Variants in KLK4 observed in about 807,000 individuals in gnomAD.
KLK4 encodes the protein kallikrein related peptidase 4.
A neutral mutation model predicts 24.3 loss-of-function variants in KLK4; 24 were observed. That is an observed-to-expected ratio of 0.99 (90% CI 0.72 to 1.39). The LOEUF (loss-of-function observed/expected upper bound fraction) is 1.39, where lower values mean the gene tolerates loss of function less well. Ranked by LOEUF, KLK4 falls within the 40% of genes most tolerant of loss-of-function variation. The probability of loss-of-function intolerance (pLI) is 0.00; values close to 1 mark genes in which losing one functional copy is unlikely to be tolerated. For missense variants in KLK4, 344 were observed against 327.4 expected (o/e 1.05, Z -0.39); for synonymous variants, 142 against 138.8 (o/e 1.02, Z -0.16).
chr19:50,907,206 T>A, intron 5 of KLK4, 120 bp from the exon 6 acceptor site: 1 of 1,021,476 alleles, frequency 9.8e-7, no homozygotes, highest in Non-Finnish European at 1.5e-6. Context: ...AATAACAACA[T>A]AGCCCAGCAA....
chr19:50,908,443 C>G (rs1352379866), exon 5 of KLK4: 4 of 1,614,024 alleles, frequency 2.5e-6, no homozygotes, highest in Non-Finnish European at 3.4e-6. Context: ...TACTGCAGAC[C>G]TCCTCAGACA....
At chr19:50,909,503 G>C (rs2090467041) in intron 2 of KLK4, 89 bp from the exon 3 acceptor site, 23 of 1,410,902 alleles carry the variant, frequency 1.6e-5, no homozygotes, top group Middle Eastern at 2.0e-4. Context: ...CGTGGTCAGA[G>C]GTTCAGGAGC....
In KLK4 at chr19:50,908,566, C is replaced by A. The variant is rs954711082; in HGVS notation, c.475+13G>T. 6.2e-7 allele frequency: 1 copy of A among 1,614,096 alleles called. No individual in the cohort carries two copies. The highest frequency in any genetic ancestry group is 1.3e-5 in the African/African-American group (1 of 74,934). Reference sequence around the variant, plus strand: ...CCTCCTTGAAGAGGGCAGACACACACCCGTGAGCTCACCGTTCGCCAGCAG... The same window carrying A: ...CCTCCTTGAAGAGGGCAGACACACAACCGTGAGCTCACCGTTCGCCAGCAG... On this transcript the variant is annotated intron_variant, in intron 4 of 5. Coordinates refer to ENST00000324041, the Ensembl canonical transcript of KLK4.
At chr19:50,908,042 T>G in intron 5 of KLK4, 2 of 453,334 alleles carry the variant, frequency 4.4e-6, no homozygotes, top group Middle Eastern at 6.4e-4. Flanking sequence ...GTCAGGTTTT[T>G]GGGGAGTCAA....
Position 50,908,566 on chromosome 19 carries a change from C to T in KLK4, c.475+13G>A. 2 of 1,614,214 alleles carry T rather than the reference C, an allele frequency of 1.2e-6. No homozygotes were observed. Among genetic ancestry groups the T allele is most frequent in the South Asian group, 1.1e-5 (1 of 91,080 alleles). ...CCTCCTTGAAGAGGGCAGACACACA[C>T]CCGTGAGCTCACCGTTCGCCAGCAG... On this transcript the variant is annotated intron_variant, in intron 4 of 5. Coordinates refer to ENST00000324041, the Ensembl canonical transcript of KLK4.
At chr19:50,906,957 C>G (rs2090436411) in exon 6 of KLK4, 2 of 1,614,182 alleles carry the variant, frequency 1.2e-6, no homozygotes, top group East Asian at 4.5e-5. Flanking sequence ...ACGGTTTTCT[C>G]TATCCACTCA....
In KLK4 at chr19:50,910,033, G is replaced by A. The variant is rs1020294188; in HGVS notation, c.62-619C>T. 2.0e-5 allele frequency among the ~76,000 whole-genome samples: 3 copies of A among 152,032 alleles called. No individual in the cohort carries two copies. Among genetic ancestry groups the A allele is most frequent in the South Asian group, 4.1e-4 (2 of 4,820 alleles). On this transcript the variant is annotated intron_variant, in intron 2 of 5. Coordinates refer to ENST00000324041, the Ensembl canonical transcript of KLK4. This position sits in a 1 kb window ranked among gnomAD's most constrained non-coding sequence, Gnocchi z 4.4. ...TGGTGCCATCGCGGTGCAAAGCCAC[G>A]GTCAGGAGGGGTTCAACAGAGGAGT...
In KLK4 at chr19:50,910,994, T is replaced by A. The variant is rs1345482681; in HGVS notation, c.-11-245A>T. 6.6e-6 allele frequency among the ~76,000 whole-genome samples: 1 copy of A among 151,710 alleles called. No individual in the cohort carries two copies. ...AGAGAGAACTAGGTAGAAAGGAAAG[T>A]TTAGAGAAAGCATCTAGCCATCTGT... is the stretch of plus-strand genomic sequence containing the variant. On this transcript the variant is annotated intron_variant, in intron 1 of 5. Coordinates refer to ENST00000324041, the Ensembl canonical transcript of KLK4. The surrounding 1 kb of genome is among the most constrained non-coding windows in gnomAD (Gnocchi z 4.4).
Position 50,910,755 on chromosome 19 carries a change from G to T in KLK4, c.-11-6C>A. ...TGTGGCCATCACGTCAGCACCTGGG[G>T]ATGAGGACTGAGACTTAGCCGTGTC... On this transcript the variant is annotated splice_polypyrimidine_tract_variant and splice_region_variant and intron_variant, in intron 1 of 5. Transcript: ENST00000324041. The surrounding 1 kb of genome is among the most constrained non-coding windows in gnomAD (Gnocchi z 4.4). 2 of 1,551,168 alleles carry T rather than the reference G, an allele frequency of 1.3e-6. No homozygotes were observed. The highest frequency in any genetic ancestry group is 1.7e-6 in the Non-Finnish European group (2 of 1,146,376).
intron 5 of KLK4, among the ~76,000 whole-genome samples, chr19:50,907,694 C>T (rs2090446431): frequency 6.6e-6 from 1 of 152,220 alleles, no homozygotes; most frequent in Non-Finnish European, 1.5e-5. Context: ...GCATGAGCCA[C>T]CCTGCCCAGC....
At chr19:50,908,525 G>A (rs542046361) in intron 4 of KLK4, 30 bp from the exon 5 acceptor site, 2 of 1,614,170 alleles carry the variant, frequency 1.2e-6, no homozygotes, top group Non-Finnish European at 1.7e-6. Flanking sequence ...GTCAGCCCCC[G>A]CGACTGGGCA....
At chr19:50,911,006 A>G (rs1284115934) in intron 1 of KLK4, among the ~76,000 whole-genome samples, 1 of 152,160 alleles carries the variant, frequency 6.6e-6, no homozygotes, top group African/African-American at 2.4e-5. Context: ...TAGAGAAAGC[A>G]TCTAGCCATC....
rs1309827994 is a variant in KLK4, at chr19:50,910,020, G to A, written c.62-606C>T. 1.3e-5 allele frequency among the ~76,000 whole-genome samples: 2 copies of A among 152,042 alleles called. No individual in the cohort carries two copies. Among genetic ancestry groups the A allele is most frequent in the East Asian group, 3.9e-4 (2 of 5,188 alleles). On this transcript the variant is annotated intron_variant, in intron 2 of 5. Coordinates refer to ENST00000324041, the Ensembl canonical transcript of KLK4. This position sits in a 1 kb window ranked among gnomAD's most constrained non-coding sequence, Gnocchi z 4.4. ...CTGGAGGTGAGACTGGTGCCATCGC[G>A]GTGCAAAGCCACGGTCAGGAGGGGT...
rs768621800 is a variant in KLK4, at chr19:50,909,423, G to A, written c.62-9C>T. 16 of 1,613,752 alleles carry A rather than the reference G, an allele frequency of 9.9e-6. No individual in the cohort carries two copies. The highest frequency in any genetic ancestry group is 1.6e-4 in the Middle Eastern group (1 of 6,082). On this transcript the variant is annotated splice_polypyrimidine_tract_variant and intron_variant, in intron 2 of 5. Transcript: ENST00000324041. ...ACCAGAGACGAGCGATCCTGAGGGCGGAGTCAGGGATGGGATCGGGACCAG... is the reference window on the plus strand; with the variant it reads ...ACCAGAGACGAGCGATCCTGAGGGCAGAGTCAGGGATGGGATCGGGACCAG...
At chr19:50,907,141 T>C in intron 5 of KLK4, 55 bp from the exon 6 acceptor site, 1 of 1,581,278 alleles carries the variant, frequency 6.3e-7, no homozygotes, top group Non-Finnish European at 8.7e-7. Flanking sequence ...TGGAAATGGA[T>C]GTGGGCTCAG....
Position 50,908,419 on chromosome 19 carries a change from C to T in KLK4, c.552G>A (p.Pro184=), listed in dbSNP as rs149728389. Reference sequence around the variant, plus strand: ...CGCAGAACATGCTGGGGTGGTACAGCGGGTCATAGAGCTTACTGCAGACCT... The same window carrying T: ...CGCAGAACATGCTGGGGTGGTACAGTGGGTCATAGAGCTTACTGCAGACCT... The change falls in exon 5 of 6, where the codon CCG becomes CCA. Residue 184 remains proline (P), a synonymous_variant. Transcript: ENST00000324041. 1.3e-4 allele frequency: 202 copies of T among 1,614,086 alleles called. No individual in the cohort carries two copies. The East Asian group carries it at 4.3e-3, about 34-fold the overall frequency.
chr19:50,910,828 T>C lies in KLK4; in HGVS notation c.-11-79A>G. 1 of 1,269,096 alleles carries C rather than the reference T, an allele frequency of 7.9e-7. No individual in the cohort carries two copies. The highest frequency in any genetic ancestry group is 1.5e-5 in the African/African-American group (1 of 67,624). 78.6% of individuals were successfully genotyped at this position (1,269,096 alleles called of 1,614,324 possible). A position where few individuals can be genotyped will look rare whatever the true frequency, so the allele number is the denominator to read the frequency against. On this transcript the variant is annotated intron_variant, in intron 1 of 5. Coordinates refer to ENST00000324041, the Ensembl canonical transcript of KLK4. The surrounding 1 kb of genome is among the most constrained non-coding windows in gnomAD (Gnocchi z 4.4). ...CTCCATCCCTCTCTTTGTCCCTCCC[T>C]TTCTTCCCTCTGGGACGTTATTAGG...
chr19:50,909,477 G>A, intron 2 of KLK4, 63 bp from the exon 3 acceptor site: 1 of 1,566,098 alleles, frequency 6.4e-7, no homozygotes, highest in Non-Finnish European at 8.8e-7. Flanking sequence ...CTGGGGGTGG[G>A]CTTACCGAGC....
At position 50,910,686 on chromosome 19, in the gene KLK4, C is replaced by A; in HGVS notation, c.53G>T (p.Gly18Val). Residue 18 changes from glycine to valine, a missense_variant, in exon 2 of 6, where the codon GGT (glycine) becomes GTT (valine). Coordinates refer to ENST00000324041, the Ensembl canonical transcript of KLK4. The surrounding 1 kb of genome is among the most constrained non-coding windows in gnomAD (Gnocchi z 4.4). ...CACGCATACTCAGATACCTGCGACA[C>A]CAAGGATGAGGTACCCCAGGAACCA... 1 of 1,555,468 alleles carries A rather than the reference C, an allele frequency of 6.4e-7. No individual in the cohort carries two copies. Among genetic ancestry groups the A allele is most frequent in the Non-Finnish European group, 8.7e-7 (1 of 1,148,720 alleles).
Sources: gnomAD v4.1 joint callset for allele counts (sites outside exome capture counted in the v4.1 genomes callset) on GRCh38, gnomAD v4.1.1 for gene constraint, Gnocchi (gnomAD v3.1) non-coding constraint, MANE v1.5 for transcripts, NCBI Gene and HGNC (gene_info 2026-07-23, HGNC 2026-07-21) for gene names.